Variants in TINAG observed in about 807,000 individuals in gnomAD.
TINAG encodes the protein tubulointerstitial nephritis antigen.
A neutral mutation model predicts 72.7 loss-of-function variants in TINAG; 83 were observed. The ratio of observed to expected loss-of-function variants is 1.14; its 90% CI spans 0.96 to 1.37. TINAG has a LOEUF of 1.37. Ranked by LOEUF, TINAG falls within the 40% of genes most tolerant of loss-of-function variation. TINAG has a pLI of 0.00. For missense variants in TINAG, 685 were observed against 576.6 expected, an observed-to-expected ratio of 1.19 and a Z score of -1.93; for synonymous variants, 234 against 189.9, an observed-to-expected ratio of 1.23 and a Z score of -1.91.
intron 4 of TINAG, among the ~76,000 whole-genome samples, chr6:54,330,675 T>C (rs985259296): frequency 6.6e-6 from 1 of 152,120 alleles, no homozygotes; most frequent in African/African-American, 2.4e-5. Flanking sequence ...GAGCTGGTTT[T>C]TTGAAAAGAT....
At chr6:54,368,083 G>C (rs1763489057) in intron 9 of TINAG, among the ~76,000 whole-genome samples, 1 of 151,540 alleles carries the variant, frequency 6.6e-6, no homozygotes, top group East Asian at 1.9e-4. Context: ...TGAGTCCGTA[G>C]AGAAGAAATA....
intron 9 of TINAG, among the ~76,000 whole-genome samples, chr6:54,355,744 T>TGC (rs1468637583): frequency 6.6e-6 from 1 of 151,546 alleles, no homozygotes; most frequent in African/African-American, 2.4e-5. Context: ...TGTGTGTGTG[T>TGC]GTATTTATAA....
At chr6:54,340,957 A>C (rs557903072) in intron 4 of TINAG, among the ~76,000 whole-genome samples, 1 of 152,134 alleles carries the variant, frequency 6.6e-6, no homozygotes, top group African/African-American at 2.4e-5. Context: ...TATTTATTGC[A>C]TATCTCCCAT....
chr6:54,308,991 T>C (rs1784178165), intron 1 of TINAG, 86 bp downstream of exon 1: 2 of 1,134,620 alleles, frequency 1.8e-6, no homozygotes, highest in Non-Finnish European at 2.5e-6. Context: ...TCTTTCTTTT[T>C]TTCCTTCTTT....
intron 10 of TINAG, among the ~76,000 whole-genome samples, chr6:54,389,471 T>C (rs1316338538): frequency 6.6e-6 from 1 of 152,208 alleles, no homozygotes; most frequent in African/African-American, 2.4e-5. Flanking sequence ...GCACAGGCTG[T>C]TGTTCACATA....
chr6:54,330,218 GA>G (rs925211057), intron 4 of TINAG, among the ~76,000 whole-genome samples: 32 of 152,200 alleles, frequency 2.1e-4, no homozygotes, highest in African/African-American at 7.7e-4. Context: ...CACATAACTG[GA>G]AGTAAAACAC....
At position 54,380,523 on chromosome 6, in the gene TINAG, T is replaced by G. The variant is rs371132962; in HGVS notation, c.1251-3T>G. 342 of 1,608,496 alleles carry G rather than the reference T, an allele frequency of 2.1e-4. No homozygotes were observed. Among genetic ancestry groups the G allele is most frequent in the Non-Finnish European group, 2.8e-4 (324 of 1,176,864 alleles). On this transcript the variant is annotated splice_polypyrimidine_tract_variant and splice_region_variant and intron_variant, in intron 9 of 10. Coordinates refer to ENST00000259782, the MANE Select transcript of TINAG (RefSeq NM_014464.4). ...CAATCTTTATTATTGTTATTAATTGTAGATGGGGCACACTGAGAGGAGCAC... is the reference window on the plus strand; with the variant it reads ...CAATCTTTATTATTGTTATTAATTGGAGATGGGGCACACTGAGAGGAGCAC...
chr6:54,314,066 C>T (rs187967925), intron 1 of TINAG, among the ~76,000 whole-genome samples: 3 of 152,202 alleles, frequency 2.0e-5, no homozygotes, highest in Admixed American at 6.6e-5. Flanking sequence ...TAAGAAGCAT[C>T]GTGTGACTTG....
In TINAG at chr6:54,389,817, A is replaced by G; in HGVS notation, c.1323A>G (p.Ser441=). ...FWIAANSWGK[S]WGENGYFRIL... ...TTGCTGCCAATTCCTGGGGAAAGTC[A>G]TGGGGAGAGAATGGCTATTTCAGGA... The change falls in exon 11 of 11, where the codon TCA becomes TCG. Residue 441 remains serine, a synonymous_variant. Transcript: ENST00000259782. 1.9e-6 allele frequency: 3 copies of G among 1,604,724 alleles called. No individual in the cohort carries two copies. Among genetic ancestry groups the G allele is most frequent in the Non-Finnish European group, 2.5e-6 (3 of 1,176,942 alleles).
At chr6:54,378,813 T>G (rs1763860424) in intron 9 of TINAG, among the ~76,000 whole-genome samples, 1 of 152,172 alleles carries the variant, frequency 6.6e-6, no homozygotes, top group Admixed American at 6.6e-5. Context: ...GAAGGCAACC[T>G]AGTCTCTATC....
At chr6:54,381,924 GA>G (rs995111912) in intron 10 of TINAG, among the ~76,000 whole-genome samples, 11 of 151,976 alleles carry the variant, frequency 7.2e-5, no homozygotes, top group Non-Finnish European at 1.0e-4. Context: ...ATGTGCAGAG[GA>G]AAATGTTTTG....
chr6:54,327,877 A>G (rs1784645131), intron 4 of TINAG, among the ~76,000 whole-genome samples: 2 of 152,124 alleles, frequency 1.3e-5, no homozygotes, highest in Non-Finnish European at 2.9e-5. Flanking sequence ...GGAGCTCACC[A>G]CAGCACAGCA....
chr6:54,317,248 C>T (rs1184119765), intron 1 of TINAG, among the ~76,000 whole-genome samples: 1 of 152,010 alleles, frequency 6.6e-6, no homozygotes, highest in Non-Finnish European at 1.5e-5. Context: ...CTTGCTCTCT[C>T]TTTCTTCTCA....
At chr6:54,370,907 A>C (rs1351199126) in intron 9 of TINAG, among the ~76,000 whole-genome samples, 2 of 152,102 alleles carry the variant, frequency 1.3e-5, no homozygotes, top group African/African-American at 4.8e-5. Context: ...TCATCATCTC[A>C]AACACTGATC....
intron 7 of TINAG, 22 bp from the exon 8 acceptor site, chr6:54,351,330 T>A: frequency 6.3e-7 from 1 of 1,598,804 alleles, no homozygotes; most frequent in Non-Finnish European, 8.6e-7. Flanking sequence ...ATGATATTGC[T>A]TATTCATATT....
chr6:54,328,826 T>C (rs1456989786), intron 4 of TINAG, among the ~76,000 whole-genome samples: 2 of 151,560 alleles, frequency 1.3e-5, no homozygotes, highest in African/African-American at 4.8e-5. Context: ...TCATGAAGCA[T>C]ACACAAGTAT....
At chr6:54,389,512 C>A (rs529886766) in intron 10 of TINAG, among the ~76,000 whole-genome samples, 18 of 152,314 alleles carry the variant, frequency 1.2e-4, no homozygotes, top group South Asian at 6.2e-4. Context: ...AGCTTGCATG[C>A]CATCTTCTGA....
intron 8 of TINAG, 33 bp from the exon 9 acceptor site, chr6:54,354,480 C>T (rs1235537273): frequency 1.3e-5 from 20 of 1,572,210 alleles, no homozygotes; most frequent in Non-Finnish European, 1.6e-5. Context: ...TATTTTAATA[C>T]TGTGCCATTT....
chr6:54,325,532 A>G (rs1357321893), intron 3 of TINAG, among the ~76,000 whole-genome samples: 1 of 152,154 alleles, frequency 6.6e-6, no homozygotes, highest in Non-Finnish European at 1.5e-5. Context: ...ACACACATAC[A>G]GACACAGAGA....
Sources: gnomAD v4.1 joint callset for allele counts (sites outside exome capture counted in the v4.1 genomes callset) on GRCh38, gnomAD v4.1.1 for gene constraint, MANE v1.5 for transcripts, NCBI Gene and HGNC (gene_info 2026-07-23, HGNC 2026-07-21) for gene names.